PLCH1: variants seen among roughly 807,000 people sequenced by gnomAD.
PLCH1 encodes 1-phosphatidylinositol 4,5-bisphosphate phosphodiesterase eta-1.
Under a neutral mutation model 126.7 loss-of-function variants are expected in PLCH1, and 60 were observed. The observed-to-expected ratio is 0.47, with a 90% confidence interval of 0.38 to 0.59. The LOEUF (loss-of-function observed/expected upper bound fraction) is 0.59. PLCH1 is among the 20% of genes least tolerant of loss of function. The pLI is 0.00. For synonymous variants in PLCH1, 719 were observed against 734.9 expected (o/e 0.98, Z 0.35); for missense variants, 1,723 against 2,040.0 (o/e 0.84, Z 2.99).
intron 1 of PLCH1, among the ~76,000 whole-genome samples, chr3:155,730,570 C>T (rs1421666356): frequency 6.6e-6 from 1 of 152,318 alleles, no homozygotes; most frequent in African/African-American, 2.4e-5. Context: ...TGTGAGCCAC[C>T]ATGCCCAGCT....
At chr3:155,719,207 AT>A (rs1463967954) in intron 1 of PLCH1, among the ~76,000 whole-genome samples, 1 of 152,144 alleles carries the variant, frequency 6.6e-6, no homozygotes, top group Non-Finnish European at 1.5e-5. Flanking sequence ...CCATAGTATC[AT>A]TCTTATGCTT....
At chr3:155,567,794 C>T (rs951207483) in intron 7 of PLCH1, among the ~76,000 whole-genome samples, 1 of 151,700 alleles carries the variant, frequency 6.6e-6, no homozygotes, top group African/African-American at 2.4e-5. Context: ...ATTTGTGGTT[C>T]CAACAGCTTC....
intron 2 of PLCH1, among the ~76,000 whole-genome samples, chr3:155,645,453 T>C (rs564509564): frequency 6.6e-5 from 10 of 152,262 alleles, no homozygotes; most frequent in African/African-American, 1.9e-4. Flanking sequence ...TCACTAGTCA[T>C]GAAGGAAGGA....
intron 2 of PLCH1, among the ~76,000 whole-genome samples, chr3:155,600,365 T>C (rs528825043): frequency 6.6e-6 from 1 of 152,332 alleles, no homozygotes; most frequent in South Asian, 2.1e-4. Context: ...CTAAAAATCA[T>C]TGTCCACCCA....
At chr3:155,566,353 A>ATATATATACGTG (rs370471432) in intron 7 of PLCH1, among the ~76,000 whole-genome samples, 5 of 39,242 alleles carry the variant, frequency 1.3e-4, no homozygotes, top group East Asian at 3.7e-4. Context: ...ATATATATAC[A>ATATATATACGTG]TATATATACA....
intron 8 of PLCH1, among the ~76,000 whole-genome samples, chr3:155,561,290 C>G (rs1328629555): frequency 7.5e-6 from 1 of 134,122 alleles, no homozygotes; most frequent in Non-Finnish European, 1.6e-5. Context: ...CCCCTCCCCC[C>G]ACCCCACAAC....
intron 10 of PLCH1, among the ~76,000 whole-genome samples, chr3:155,528,261 A>G (rs985090942): frequency 1.3e-5 from 2 of 149,742 alleles, no homozygotes; most frequent in Non-Finnish European, 3.0e-5. Context: ...TTGGGATCTA[A>G]TTTGTGTATC....
At chr3:155,583,982 T>C (rs1479821200) in intron 5 of PLCH1, among the ~76,000 whole-genome samples, 1 of 145,072 alleles carries the variant, frequency 6.9e-6, no homozygotes, top group Non-Finnish European at 1.5e-5. Flanking sequence ...AAGTGAAAAA[T>C]ACACTACATA....
chr3:155,475,023 C>G (rs1380150624), downstream of PLCH1, among the ~76,000 whole-genome samples: 1 of 141,092 alleles, frequency 7.1e-6, no homozygotes, highest in Non-Finnish European at 1.5e-5. Context: ...CACATGTATA[C>G]ATATGTAACT....
chr3:155,657,053 T>A (rs1741465198), intron 2 of PLCH1, among the ~76,000 whole-genome samples: 1 of 140,396 alleles, frequency 7.1e-6, no homozygotes, highest in Non-Finnish European at 1.5e-5. Flanking sequence ...CAAGGACAAG[T>A]TTAAAAAAAA....
intron 2 of PLCH1, among the ~76,000 whole-genome samples, chr3:155,653,688 A>G (rs1741040609): frequency 1.3e-5 from 2 of 151,794 alleles, no homozygotes; most frequent in African/African-American, 4.8e-5. Flanking sequence ...TATCCTTCCC[A>G]CTCTTCACTG....
chr3:155,504,488 T>C, intron 13 of PLCH1, 67 bp downstream of exon 13: 3 of 861,338 alleles, frequency 3.5e-6, no homozygotes, highest in Non-Finnish European at 5.9e-6. Context: ...ATGATGATAT[T>C]CTCCTGTTAT....
intron 1 of PLCH1, among the ~76,000 whole-genome samples, chr3:155,708,966 C>T (rs1025849969): frequency 1.3e-5 from 2 of 152,154 alleles, no homozygotes; most frequent in East Asian, 3.8e-4. Context: ...CCCTGACGAG[C>T]ACTGATAATT....
chr3:155,717,615 CT>C (rs1747624569), intron 1 of PLCH1, among the ~76,000 whole-genome samples: 1 of 152,244 alleles, frequency 6.6e-6, no homozygotes. Context: ...ATCTGAGGCT[CT>C]TTGAGCAGAG....
chr3:155,658,841 T>C (rs1373130808), intron 2 of PLCH1, among the ~76,000 whole-genome samples: 2 of 152,208 alleles, frequency 1.3e-5, no homozygotes, highest in African/African-American at 2.4e-5. Flanking sequence ...CACATATAAT[T>C]GTACTCTTTG....
chr3:155,645,789 A>T (rs867149375), intron 2 of PLCH1, among the ~76,000 whole-genome samples: 2 of 152,260 alleles, frequency 1.3e-5, no homozygotes, highest in Middle Eastern at 6.8e-3. Context: ...GCAAGACAAT[A>T]TGGAGAGCAG....
At chr3:155,660,824 A>G (rs918533014) in intron 2 of PLCH1, among the ~76,000 whole-genome samples, 1 of 152,180 alleles carries the variant, frequency 6.6e-6, no homozygotes, top group Non-Finnish European at 1.5e-5. Context: ...TCCTTTTCCT[A>G]TGTATCTCAG....
chr3:155,545,983 A>C (rs2108426155), intron 10 of PLCH1, among the ~76,000 whole-genome samples: 1 of 151,826 alleles, frequency 6.6e-6, no homozygotes, highest in Non-Finnish European at 1.5e-5. Flanking sequence ...GGCACAAGAC[A>C]GGGATGCCCT....
At chr3:155,537,716 T>C (rs1193027383) in intron 10 of PLCH1, among the ~76,000 whole-genome samples, 1 of 151,956 alleles carries the variant, frequency 6.6e-6, no homozygotes, top group Non-Finnish European at 1.5e-5. Context: ...AAATATATAT[T>C]CACCTAACAC....
Sources: allele counts gnomAD v4.1 joint callset (sites outside exome capture counted in the v4.1 genomes callset), GRCh38; gene constraint gnomAD v4.1.1; transcripts MANE v1.5; gene names NCBI Gene and HGNC (gene_info 2026-07-23, HGNC 2026-07-21).